The following EPHB1 variants were observed in gnomAD, a reference collection of about 807,000 sequenced individuals.
EPHB1 encodes the protein EPH receptor B1.
A neutral mutation model predicts 94.4 loss-of-function variants in EPHB1; 30 were observed. The ratio of observed to expected loss-of-function variants is 0.32; its 90% CI spans 0.24 to 0.43. The LOEUF is 0.43. Among genes scored for constraint, EPHB1 ranks in the 20% least tolerant of loss-of-function variants. The pLI, the probability that EPHB1 is intolerant of heterozygous loss-of-function variation, is 1.00. For synonymous variants in EPHB1, 522 were observed against 489.1 expected (o/e 1.07, Z -0.89); for missense variants, 1,055 against 1,308.3 (o/e 0.81, Z 2.99).
intron 3 of EPHB1, among the ~76,000 whole-genome samples, chr3:135,076,246 TATATATATATATATA>T (rs1559820140): frequency 6.9e-6 from 1 of 145,528 alleles, no homozygotes; most frequent in African/African-American, 2.6e-5. Flanking sequence ...TATATATATA[TATATATATATATATA>T]ACTCTTAAAT....
At chr3:134,946,579 C>G (rs2045451) in intron 2 of EPHB1, among the ~76,000 whole-genome samples, 48,253 of 151,914 alleles carry the variant, frequency 0.32, 7,984 homozygotes, top group Middle Eastern at 0.5. Context: ...TGTTTGTCCC[C>G]TCCCAATCTC....
chr3:135,128,915 C>A (rs1338463283), intron 4 of EPHB1, among the ~76,000 whole-genome samples: 1 of 152,170 alleles, frequency 6.6e-6, no homozygotes, highest in Admixed American at 6.5e-5. Flanking sequence ...ACACCCCTGC[C>A]CTCAAGGAGG....
At chr3:135,151,946 T>G (rs1314819416) in intron 5 of EPHB1, among the ~76,000 whole-genome samples, 2 of 152,240 alleles carry the variant, frequency 1.3e-5, no homozygotes, top group Non-Finnish European at 2.9e-5. Context: ...GACATGTTTT[T>G]GATCCAAAGG....
At chr3:134,978,207 C>G in intron 3 of EPHB1, 1 of 309,348 alleles carries the variant, frequency 3.2e-6, no homozygotes, top group Non-Finnish European at 6.4e-6. Context: ...CTCAACCTTC[C>G]CTTTCTCTCT....
chr3:134,851,814 A>C (rs983690556), intron 1 of EPHB1, among the ~76,000 whole-genome samples: 2 of 152,182 alleles, frequency 1.3e-5, no homozygotes, highest in African/African-American at 4.8e-5. Flanking sequence ...AATGGTGCAA[A>C]ATCATGATAG....
At chr3:134,802,278 A>T (rs1024738482) in intron 1 of EPHB1, among the ~76,000 whole-genome samples, 2 of 151,982 alleles carry the variant, frequency 1.3e-5, no homozygotes, top group African/African-American at 4.8e-5. Context: ...CTGCTAAAAA[A>T]AACAAAAAAA....
At chr3:134,830,348 T>A (rs1234468855) in intron 1 of EPHB1, among the ~76,000 whole-genome samples, 1 of 152,282 alleles carries the variant, frequency 6.6e-6, no homozygotes, top group African/African-American at 2.4e-5. Context: ...CTATCTCACC[T>A]GTAGCATGCC....
intron 3 of EPHB1, among the ~76,000 whole-genome samples, chr3:134,971,236 G>A (rs537101592): frequency 6.6e-6 from 1 of 152,344 alleles, no homozygotes; most frequent in South Asian, 2.1e-4. Context: ...AGAAAATAAA[G>A]CAGATTAAAT....
chr3:135,156,071 G>T (rs1336751627), intron 6 of EPHB1, among the ~76,000 whole-genome samples: 1 of 152,044 alleles, frequency 6.6e-6, no homozygotes, highest in Non-Finnish European at 1.5e-5. Context: ...GCATGGGAAG[G>T]TTTTAGCCTG....
intron 1 of EPHB1, among the ~76,000 whole-genome samples, chr3:134,828,829 G>A (rs1578119633): frequency 6.6e-6 from 1 of 152,188 alleles, no homozygotes; most frequent in East Asian, 1.9e-4. Context: ...GTTTGGTGAT[G>A]CTTCTCAAGT....
At chr3:135,112,112 G>A (rs1447271013) in intron 4 of EPHB1, among the ~76,000 whole-genome samples, 1 of 152,216 alleles carries the variant, frequency 6.6e-6, no homozygotes, top group African/African-American at 2.4e-5. Context: ...AGCTCAGCGG[G>A]GGCTGAAGGA....
rs1276574212 is a variant in EPHB1 at position 135,053,023 on chromosome 3, GTGTGTATATATATATATATA to G, written c.806-53423_806-53404del. Among the ~76,000 whole-genome samples, 7 of 68,560 alleles carry G rather than the reference GTGTGTATATATATATATATA, an allele frequency of 1.0e-4. 1 individual carries two copies. The highest frequency in any genetic ancestry group is 3.9e-4 in the African/African-American group (7 of 17,740). The allele number at this position is 68,560 out of a possible 152,430, so 45.0% of individuals were successfully genotyped here. ...TGTGTGTGTATATATATGTGTGTGT[GTGTGTATATATATATATATA>G]TATATATATATAAAGTTGGTGTGTT... On this transcript the variant is annotated intron_variant, in intron 3 of 15. Coordinates refer to ENST00000398015, the MANE Select transcript of EPHB1 (RefSeq NM_004441.5).
intron 1 of EPHB1, among the ~76,000 whole-genome samples, chr3:134,869,145 A>G (rs1371627141): frequency 6.6e-6 from 1 of 152,348 alleles, no homozygotes; most frequent in Non-Finnish European, 1.5e-5. Flanking sequence ...ATGTGGAGGA[A>G]GAAGAGGAGT....
intron 3 of EPHB1, among the ~76,000 whole-genome samples, chr3:134,956,462 C>T (rs1486422039): frequency 6.6e-6 from 1 of 152,176 alleles, no homozygotes; most frequent in Non-Finnish European, 1.5e-5. Flanking sequence ...GCCTCTGCCC[C>T]TGCCCCAGGA....
intron 3 of EPHB1, among the ~76,000 whole-genome samples, chr3:135,079,501 C>G (rs1938082065): frequency 6.6e-6 from 1 of 152,160 alleles, no homozygotes; most frequent in Non-Finnish European, 1.5e-5. Context: ...TCCCCTGACC[C>G]CATCAGTGCA....
chr3:135,081,526 G>A (rs535784143), intron 3 of EPHB1, among the ~76,000 whole-genome samples: 1 of 152,280 alleles, frequency 6.6e-6, no homozygotes, highest in Non-Finnish European at 1.5e-5. Flanking sequence ...GAGGCAAGTA[G>A]TACATAGAAA....
chr3:134,897,305 G>C (rs2038105783), intron 1 of EPHB1, among the ~76,000 whole-genome samples: 2 of 151,754 alleles, frequency 1.3e-5, no homozygotes. Context: ...TCAGACCTGA[G>C]TCTCCTGGCA....
At chr3:135,122,303 T>C (rs747525977) in intron 4 of EPHB1, among the ~76,000 whole-genome samples, 1 of 152,214 alleles carries the variant, frequency 6.6e-6, no homozygotes, top group Non-Finnish European at 1.5e-5. Flanking sequence ...CCCAGTTTTT[T>C]CTTTGAGTCC....
chr3:135,223,270 G>A (rs1943314913), intron 12 of EPHB1, among the ~76,000 whole-genome samples: 1 of 152,132 alleles, frequency 6.6e-6, no homozygotes, highest in South Asian at 2.1e-4. Context: ...TATAGGAATG[G>A]GCCAGGGCAC....
Sources: allele counts gnomAD v4.1 joint callset (sites outside exome capture counted in the v4.1 genomes callset), GRCh38; gene constraint gnomAD v4.1.1; transcripts MANE v1.5; gene names NCBI Gene and HGNC (gene_info 2026-07-23, HGNC 2026-07-21).